The following SUCO variants were observed in gnomAD, a reference collection of about 807,000 sequenced individuals.
SUCO encodes SUN domain-containing ossification factor.
SUCO carries 57 observed loss-of-function variants against 148.1 expected under a neutral mutation model. The ratio of observed to expected loss-of-function variants is 0.38; its 90% CI spans 0.31 to 0.48. The LOEUF is 0.48. Among genes scored for constraint, SUCO ranks in the 20% least tolerant of loss-of-function variants. The probability of loss-of-function intolerance (pLI) is 0.96; values close to 1 mark genes in which losing one functional copy is unlikely to be tolerated. For synonymous variants in SUCO, 470 were observed against 502.7 expected (o/e 0.93, Z 0.87); for missense variants, 1,331 against 1,468.2 (o/e 0.91, Z 1.53).
At chr1:172,581,100 A>C (rs1018852671) in intron 15 of SUCO, among the ~76,000 whole-genome samples, 5 of 152,182 alleles carry the variant, frequency 3.3e-5, no homozygotes, top group Non-Finnish European at 7.4e-5. Flanking sequence ...ACTCTGTCTC[A>C]AAAACAAAAC....
At chr1:172,572,057 C>A (rs376516658) in intron 9 of SUCO, among the ~76,000 whole-genome samples, 1 of 67,220 alleles carries the variant, frequency 1.5e-5, no homozygotes, top group African/African-American at 7.7e-5. Flanking sequence ...CCCGGCCAGC[C>A]GCCCCGTCCG....
At chr1:172,559,335 T>G (rs1358327977) in intron 6 of SUCO, among the ~76,000 whole-genome samples, 1 of 152,218 alleles carries the variant, frequency 6.6e-6, no homozygotes, top group Non-Finnish European at 1.5e-5. Context: ...TTGTTGCAGT[T>G]TTTGTATTTG....
intron 3 of SUCO, 69 bp downstream of exon 3, chr1:172,553,439 G>A: frequency 8.5e-7 from 1 of 1,172,218 alleles, no homozygotes; most frequent in South Asian, 1.6e-5. Flanking sequence ...GAAAACCTTT[G>A]GTCACCATAT....
intron 6 of SUCO, 113 bp from the exon 7 acceptor site, chr1:172,568,906 T>A: frequency 9.9e-7 from 1 of 1,007,772 alleles, no homozygotes; most frequent in African/African-American, 1.7e-5. Flanking sequence ...CAAAATATAA[T>A]CATTCATTAT....
chr1:172,574,830 A>G, intron 10 of SUCO: 1 of 958,796 alleles, frequency 1.0e-6, no homozygotes, highest in Non-Finnish European at 1.2e-6. Flanking sequence ...TCAGCACTGC[A>G]TATATACAGT....
At position 172,551,575 on chromosome 1, in the gene SUCO, T is replaced by G; in HGVS notation, c.126T>G (p.Ser42=). The G allele has an allele frequency of 6.2e-7, 1 of 1,611,396 alleles. No individual in the cohort carries two copies. The highest frequency in any genetic ancestry group is 1.7e-5 in the Admixed American group (1 of 59,686). ...CAGCTTCAGCGTCATCATATTACTC[T>G]CAAGATGACAACTGCGCACTAGAAA... The part of the protein sequence containing the change: ...SSSASASSYY[S]QDDNCALENE... Residue 42 remains serine (S), a synonymous_variant, in exon 2 of 24, where the codon TCT becomes TCG. Coordinates refer to ENST00000263688, the MANE Select transcript of SUCO (RefSeq NM_014283.5).
chr1:172,532,939 G>C (rs1278616489), upstream of SUCO: 1 of 1,360,192 alleles, frequency 7.4e-7, no homozygotes, highest in East Asian at 2.5e-5. Flanking sequence ...CCTGCCTCCG[G>C]CTTCTCCGCC....
At chr1:172,537,832 T>A (rs1180585159) in intron 1 of SUCO, among the ~76,000 whole-genome samples, 1 of 152,202 alleles carries the variant, frequency 6.6e-6, no homozygotes, top group Non-Finnish European at 1.5e-5. Flanking sequence ...AAAGGAAGAA[T>A]TCATATCCTA....
intron 9 of SUCO, among the ~76,000 whole-genome samples, chr1:172,573,613 C>G (rs1655207502): frequency 6.6e-6 from 1 of 151,926 alleles, no homozygotes; most frequent in African/African-American, 2.4e-5. Context: ...CATCCCTTCT[C>G]CAAGAATGAG....
intron 6 of SUCO, among the ~76,000 whole-genome samples, chr1:172,558,419 A>G (rs1356326556): frequency 6.6e-6 from 1 of 152,190 alleles, no homozygotes; most frequent in African/African-American, 2.4e-5. Flanking sequence ...AGCAATAACT[A>G]AGTTACAGAG....
intron 23 of SUCO, chr1:172,609,367 CAAA>C: frequency 1.0e-6 from 1 of 978,788 alleles, no homozygotes; most frequent in Non-Finnish European, 1.2e-6. Flanking sequence ...GCTTTGTAGG[CAAA>C]TAGCCTAAGA....
chr1:172,556,836 TA>T (rs1653791805), intron 4 of SUCO: 2 of 837,946 alleles, frequency 2.4e-6, no homozygotes, highest in East Asian at 2.5e-4. Context: ...CCCATTATAT[TA>T]AAAATGACTG....
intron 19 of SUCO, among the ~76,000 whole-genome samples, chr1:172,596,131 G>C (rs1657079590): frequency 6.6e-6 from 1 of 152,178 alleles, no homozygotes; most frequent in Non-Finnish European, 1.5e-5. Flanking sequence ...AGCTCCATCA[G>C]ATCAATTAAG....
At chr1:172,593,981 A>G (rs919437851) in intron 19 of SUCO, among the ~76,000 whole-genome samples, 9 of 152,016 alleles carry the variant, frequency 5.9e-5, no homozygotes, top group African/African-American at 1.2e-4. Flanking sequence ...CAGAGATTCA[A>G]CTTCTTCCTG....
At chr1:172,571,653 G>A (rs1655002739) in intron 9 of SUCO, among the ~76,000 whole-genome samples, 1 of 127,694 alleles carries the variant, frequency 7.8e-6, no homozygotes, top group African/African-American at 3.1e-5. Context: ...TATGAAGTGA[G>A]GAGCTTCTCT....
intron 3 of SUCO, among the ~76,000 whole-genome samples, chr1:172,554,256 C>T (rs1653550661): frequency 6.6e-6 from 1 of 152,104 alleles, no homozygotes; most frequent in African/African-American, 2.4e-5. Flanking sequence ...ACTTGTAGCC[C>T]TTACAATTGT....
chr1:172,554,005 G>A (rs750040213), intron 3 of SUCO, among the ~76,000 whole-genome samples: 1 of 151,966 alleles, frequency 6.6e-6, no homozygotes, highest in Non-Finnish European at 1.5e-5. Context: ...CTAAAATCTC[G>A]AATATTAAAA....
Position 172,610,170 on chromosome 1 carries a change from T to A in SUCO, c.3676T>A (p.Ser1226Thr), listed in dbSNP as rs775935863. Reference protein sequence around the residue: ...IKTLIQTKSGSLPSLHDIIKG... With the variant: ...IKTLIQTKSGTLPSLHDIIKG... ...AACTCTAATACAGACTAAGTCGGGA[T>A]CATTGCCGAGCCTGCATGACATAAT... The change falls in exon 24 of 24, where the codon TCA (serine) becomes ACA (threonine). Residue 1226 changes from serine (S) to threonine (T), a missense_variant. Ser to Thr is a moderately conservative substitution (Grantham distance 58). Transcript: ENST00000263688. 4 of 1,613,510 alleles carry A rather than the reference T, an allele frequency of 2.5e-6. No individual in the cohort carries two copies. The highest frequency in any genetic ancestry group is 1.7e-5 in the Admixed American group (1 of 59,942).
rs115626813 is a variant in SUCO at position 172,569,408 on chromosome 1, G to A, written c.856+266G>A. 5.2e-4 allele frequency: 513 copies of A among 979,376 alleles called. 4 individuals are homozygous for A. In the African/African-American group the frequency reaches 8.6e-3, roughly 16 times the overall value. 60.7% of individuals were successfully genotyped at this position (979,376 alleles called of 1,614,324 possible). A position where few individuals can be genotyped will look rare whatever the true frequency, so the allele number is the denominator to read the frequency against. ...ATAGCAGTGATTTTCATCACAATAC[G>A]AGGAAAATTGAGGCATGGAAACTAT... On this transcript the variant is annotated intron_variant, in intron 7 of 23. Transcript: ENST00000263688.
Sources: gnomAD v4.1 joint callset for allele counts (sites outside exome capture counted in the v4.1 genomes callset) on GRCh38, gnomAD v4.1.1 for gene constraint, MANE v1.5 for transcripts, NCBI Gene and HGNC (gene_info 2026-07-23, HGNC 2026-07-21) for gene names.